BICD2: variants seen among roughly 807,000 people sequenced by gnomAD.
The protein encoded by BICD2 is protein bicaudal D homolog 2.
Under a neutral mutation model 72.9 loss-of-function variants are expected in BICD2, and 25 were observed. The observed-to-expected ratio is 0.34, with a 90% confidence interval of 0.25 to 0.48. The LOEUF (loss-of-function observed/expected upper bound fraction) is 0.48, where lower values mean the gene tolerates loss of function less well. Ranked by LOEUF, BICD2 falls within the 20% of genes least tolerant of loss-of-function variation. The pLI is 0.99. For missense variants in BICD2, 894 were observed against 1,175.2 expected, an observed-to-expected ratio of 0.76 and a Z score of 3.50; for synonymous variants, 501 against 516.1, an observed-to-expected ratio of 0.97 and a Z score of 0.40.
At position 92,729,224 on chromosome 9, in the gene BICD2, C is replaced by T; in HGVS notation, c.253G>A (p.Ala85Thr). ...MEQLKEAFGQ[A>T]HTNHKKVAAD... Reference sequence around the variant, plus strand: ...GCCACCTTCTTGTGGTTTGTGTGTGCTTGTCCAAAGGCCTGCATCAGAAGA... The same window carrying T: ...GCCACCTTCTTGTGGTTTGTGTGTGTTTGTCCAAAGGCCTGCATCAGAAGA... The change falls in exon 2 of 7, where the codon GCA becomes ACA. Residue 85 changes from alanine to threonine, a missense_variant. Physicochemically the swap from Ala to Thr is moderately conservative, Grantham distance 58 (BLOSUM62 0). Coordinates refer to ENST00000356884, the MANE Select transcript of BICD2 (RefSeq NM_001003800.2). 6.2e-7 allele frequency: 1 copy of T among 1,614,158 alleles called. No homozygotes were observed. Among genetic ancestry groups the T allele is most frequent in the African/African-American group, 1.3e-5 (1 of 75,060 alleles).
intron 1 of BICD2, among the ~76,000 whole-genome samples, chr9:92,731,177 G>A (rs917638850): frequency 1.3e-5 from 2 of 152,218 alleles, no homozygotes; most frequent in African/African-American, 2.4e-5. Context: ...ACAAGCAGGA[G>A]GGACCCAAAT....
At chr9:92,763,708 C>CT (rs1554709786) in intron 1 of BICD2, among the ~76,000 whole-genome samples, 19 of 151,014 alleles carry the variant, frequency 1.3e-4, no homozygotes, top group Admixed American at 7.9e-4. Context: ...AACCTACTCT[C>CT]CCCCCAGTGG....
At chr9:92,715,581 G>GA in intron 6 of BICD2, 118 bp from the exon 7 acceptor site, 1 of 1,020,624 alleles carries the variant, frequency 9.8e-7, no homozygotes, top group Non-Finnish European at 1.4e-6. Flanking sequence ...ATCCTTCAAT[G>GA]TGGCCTCTGG....
chr9:92,714,159 C>A lies in BICD2; in HGVS notation c.*995G>T, dbSNP rs7862106. ...TGAATCCTGACAAGTGGCCCTGGCC[C>A]TATGCAAAGCTTTCCCAGCACCGGG... On this transcript the variant is annotated 3_prime_UTR_variant, in exon 7 of 7. Coordinates refer to ENST00000356884, the MANE Select transcript of BICD2 (RefSeq NM_001003800.2). 52,203 of 985,406 alleles carry A rather than the reference C, an allele frequency of 0.053. 1,537 individuals are homozygous for A. Among genetic ancestry groups the A allele is most frequent in the South Asian group, 0.075 (1,590 of 21,294 alleles). The allele number at this position is 985,406 out of a possible 1,614,324, so 61.0% of individuals were successfully genotyped here. A position where few individuals can be genotyped will look rare whatever the true frequency, so the allele number is the denominator to read the frequency against.
At chr9:92,740,054 A>G (rs544605413) in intron 1 of BICD2, among the ~76,000 whole-genome samples, 124 of 152,234 alleles carry the variant, frequency 8.1e-4, no homozygotes, top group Non-Finnish European at 1.1e-3. Flanking sequence ...ACTCACTCAT[A>G]GGTTAATCAA....
In BICD2 at chr9:92,712,728, T is replaced by G. The variant is rs902050065; in HGVS notation, c.*2426A>C. On this transcript the variant is annotated 3_prime_UTR_variant, in exon 7 of 7. Transcript: ENST00000356884. The stretch of plus-strand genomic sequence containing the variant: ...TTTTAACCAGAGCAAAGGTCAAGTT[T>G]TCTTCTTGTTACATTGAACTATTCC... The G allele has an allele frequency of 6.6e-6, 1 of 152,424 alleles. No individual in the cohort carries two copies. Among genetic ancestry groups the G allele is most frequent in the Non-Finnish European group, 1.5e-5 (1 of 68,036 alleles). 9.4% of individuals were successfully genotyped at this position (152,424 alleles called of 1,614,324 possible). A position where few individuals can be genotyped will look rare whatever the true frequency, so the allele number is the denominator to read the frequency against.
chr9:92,748,277 C>T (rs944643315), intron 1 of BICD2, among the ~76,000 whole-genome samples: 1 of 152,156 alleles, frequency 6.6e-6, no homozygotes, highest in African/African-American at 2.4e-5. Context: ...GGGGGTTGTA[C>T]CCCTCTCCAG....
intron 2 of BICD2, among the ~76,000 whole-genome samples, chr9:92,728,166 G>T (rs1853604439): frequency 6.6e-6 from 1 of 152,204 alleles, no homozygotes; most frequent in Non-Finnish European, 1.5e-5. Flanking sequence ...AGGCACCACA[G>T]CAACCTTCCC....
chr9:92,756,660 C>A (rs893518057), intron 1 of BICD2, among the ~76,000 whole-genome samples: 15 of 151,192 alleles, frequency 9.9e-5, no homozygotes, highest in Admixed American at 7.9e-4. Context: ...ATCATGAGGT[C>A]AGGAGTTCAA....
chr9:92,743,817 C>T (rs1030194960), intron 1 of BICD2, among the ~76,000 whole-genome samples: 1 of 152,136 alleles, frequency 6.6e-6, no homozygotes, highest in African/African-American at 2.4e-5. Context: ...AAGACAGACA[C>T]CCAAGAAGAA....
intron 1 of BICD2, among the ~76,000 whole-genome samples, chr9:92,739,130 G>A (rs1853847676): frequency 6.6e-6 from 1 of 152,218 alleles, no homozygotes. Context: ...GGTCCAAGCA[G>A]GGGGAAGGTC....
At chr9:92,742,458 C>T (rs1853916457) in intron 1 of BICD2, among the ~76,000 whole-genome samples, 1 of 151,154 alleles carries the variant, frequency 6.6e-6, no homozygotes, top group Admixed American at 6.6e-5. Context: ...GATCTTGGCT[C>T]ACTGCAAGCT....
intron 5 of BICD2, among the ~76,000 whole-genome samples, chr9:92,718,246 C>G (rs1343594987): frequency 1.3e-5 from 2 of 152,244 alleles, no homozygotes; most frequent in African/African-American, 2.4e-5. Flanking sequence ...ACATGTTTTC[C>G]CTCCAGTATC....
At position 92,755,474 on chromosome 9, in the gene BICD2, T is replaced by A. The variant is rs1277853851; in HGVS notation, c.240+9031A>T. On this transcript the variant is annotated intron_variant, in intron 1 of 6. Transcript: ENST00000356884. ...CTTTTGAAACTCCCTAATAAAAACTTGCTGGTTTTTGCGGCTTGTGGGGCA... is the reference window on the plus strand; with the variant it reads ...CTTTTGAAACTCCCTAATAAAAACTAGCTGGTTTTTGCGGCTTGTGGGGCA... Among the ~76,000 whole-genome samples the A allele has an allele frequency of 2.0e-5, 3 of 152,164 alleles. No individual in the cohort carries two copies. In the East Asian group the frequency reaches 5.8e-4, roughly 29 times the overall value.
intron 2 of BICD2, among the ~76,000 whole-genome samples, 193 bp from the exon 3 acceptor site, chr9:92,723,001 G>T (rs1465428145): frequency 6.6e-6 from 1 of 151,942 alleles, no homozygotes; most frequent in Non-Finnish European, 1.5e-5. Context: ...GACTGCAGAG[G>T]TTCCAGAGTA....
In BICD2 at chr9:92,718,904, G is replaced by T. The variant is rs771001231; in HGVS notation, c.1741C>A (p.Arg581Ser). 6.3e-7 allele frequency: 1 copy of T among 1,598,904 alleles called. No homozygotes were observed. The highest frequency in any genetic ancestry group is 8.5e-7 in the Non-Finnish European group (1 of 1,173,934). ...GRTSPEARGR[R>S]SPILLPKGLL... Reference sequence around the variant, plus strand: ...CCCTTGGGTAGGAGGATGGGTGAGCGCCGGCCACGCGCCTCGGGGCTGGTG... The same window carrying T: ...CCCTTGGGTAGGAGGATGGGTGAGCTCCGGCCACGCGCCTCGGGGCTGGTG... The change falls in exon 5 of 7, where the codon CGC becomes AGC. Residue 581 changes from arginine to serine, a missense_variant. Arg to Ser is a moderately radical substitution (Grantham distance 110). This residue lies in a region of BICD2 where 321 missense variants were observed against 443.9 expected (regional missense o/e 0.72). Coordinates refer to ENST00000356884, the MANE Select transcript of BICD2 (RefSeq NM_001003800.2).
At chr9:92,727,879 G>A (rs1377148953) in intron 2 of BICD2, among the ~76,000 whole-genome samples, 1 of 152,160 alleles carries the variant, frequency 6.6e-6, no homozygotes, top group Non-Finnish European at 1.5e-5. Flanking sequence ...CCCTGCCCCA[G>A]GGACAGGCAC....
In BICD2 at chr9:92,720,211, C is replaced by T. The variant is rs997322423; in HGVS notation, c.1062+89G>A. On this transcript the variant is annotated intron_variant, in intron 4 of 6. Transcript: ENST00000356884. The surrounding 1 kb of genome is among the most constrained non-coding windows in gnomAD (Gnocchi z 5.4). Reference sequence around the variant, plus strand: ...CAACGTAAGGAAAAGGGAAAGTTAACATCAGCAGAGTGTCAGGTAAGCACT... The same window carrying T: ...CAACGTAAGGAAAAGGGAAAGTTAATATCAGCAGAGTGTCAGGTAAGCACT... 7 of 1,277,154 alleles carry T rather than the reference C, an allele frequency of 5.5e-6. No homozygotes were observed. Among genetic ancestry groups the T allele is most frequent in the Non-Finnish European group, 7.5e-6 (7 of 938,926 alleles). 79.1% of individuals were successfully genotyped at this position (1,277,154 alleles called of 1,614,324 possible).
Position 92,713,953 on chromosome 9 carries a change from TC to T in BICD2, c.*1200del, listed in dbSNP as rs1192744371. ...CAGGAGAGAAGACTGCAGCCTCAGG[TC>T]CAGCTGGTCCCACAGGGTGATCGGG... On this transcript the variant is annotated 3_prime_UTR_variant, in exon 7 of 7. Transcript: ENST00000356884. 2 of 989,304 alleles carry T rather than the reference TC, an allele frequency of 2.0e-6. No homozygotes were observed. Among genetic ancestry groups the T allele is most frequent in the African/African-American group, 3.5e-5 (2 of 57,290 alleles). The allele number at this position is 989,304 out of a possible 1,614,324, so 61.3% of individuals were successfully genotyped here.
Sources: gnomAD v4.1 joint callset for allele counts (sites outside exome capture counted in the v4.1 genomes callset) on GRCh38, gnomAD v4.1.1 for gene constraint, gnomAD v4.1.1 regional missense constraint, Gnocchi (gnomAD v3.1) non-coding constraint, MANE v1.5 for transcripts, NCBI Gene and HGNC (gene_info 2026-07-23, HGNC 2026-07-21) for gene names.